The following WNT3A variants were observed in gnomAD, a reference collection of about 807,000 sequenced individuals.
WNT3A encodes the protein Wnt family member 3A.
WNT3A carries 17 observed loss-of-function variants against 37.0 expected under a neutral mutation model. The observed-to-expected ratio is 0.46, with a 90% CI of 0.31 to 0.69. The LOEUF is 0.69. WNT3A is among the 30% of genes least tolerant of loss of function. The probability of loss-of-function intolerance (pLI) is 0.05; values close to 1 mark genes in which losing one functional copy is unlikely to be tolerated. For synonymous variants in WNT3A, 187 were observed against 211.0 expected (o/e 0.89, Z 0.99); for missense variants, 411 against 510.2 (o/e 0.81, Z 1.87).
chr1:228,022,520 C>A, intron 1 of WNT3A, 147 bp from the exon 2 acceptor site: 1 of 1,086,988 alleles, frequency 9.2e-7, no homozygotes, highest in Non-Finnish European at 1.3e-6. Context: ...CTCTTACTTG[C>A]AAAATAAAAA....
At position 228,031,336 on chromosome 1, in the gene WNT3A, C is replaced by A. The variant is rs958374023; in HGVS notation, c.313+8428C>A. On this transcript the variant is annotated intron_variant, in intron 2 of 3. Transcript: ENST00000284523. The surrounding 1 kb of genome is among the most constrained non-coding windows in gnomAD (Gnocchi z 4.8). ...CTCACTTCCTGGAGCATCAGCCTCC[C>A]ATTTATAAAGTGGAAGAATACTTAC... Among the ~76,000 whole-genome samples, 2 of 152,172 alleles carry A rather than the reference C, an allele frequency of 1.3e-5. No homozygotes were observed. Among genetic ancestry groups the A allele is most frequent in the Non-Finnish European group, 2.9e-5 (2 of 68,026 alleles).
intron 3 of WNT3A, among the ~76,000 whole-genome samples, chr1:228,056,893 A>C (rs180820804): frequency 6.6e-6 from 1 of 152,326 alleles, no homozygotes. Context: ...AAGATGTAAA[A>C]ATGATTTTAA....
intron 1 of WNT3A, among the ~76,000 whole-genome samples, chr1:228,009,099 G>A (rs1047998829): frequency 6.6e-6 from 1 of 152,084 alleles, no homozygotes; most frequent in Non-Finnish European, 1.5e-5. Flanking sequence ...TGGGTGGTGA[G>A]GACCCCTCCC....
intron 3 of WNT3A, among the ~76,000 whole-genome samples, chr1:228,056,960 G>A (rs1341364030): frequency 6.6e-6 from 1 of 152,078 alleles, no homozygotes; most frequent in Non-Finnish European, 1.5e-5. Flanking sequence ...AGAAAAGATT[G>A]TTTTTAGACA....
rs1326732548 is a variant in WNT3A at position 228,008,654 on chromosome 1, G to A, written c.71+1455G>A. Among the ~76,000 whole-genome samples the A allele has an allele frequency of 6.6e-6, 1 of 152,170 alleles. No individual in the cohort carries two copies. Among genetic ancestry groups the A allele is most frequent in the Non-Finnish European group, 1.5e-5 (1 of 68,004 alleles). ...ACGCGCGTCCAGACGGCCGCAGGGA[G>A]CCAGGGGCAGCGCGTCCGTCCGAGA... On this transcript the variant is annotated intron_variant, in intron 1 of 3. Coordinates refer to ENST00000284523, the MANE Select transcript of WNT3A (RefSeq NM_033131.4). This position sits in a 1 kb window ranked among gnomAD's most constrained non-coding sequence, Gnocchi z 4.9.
chr1:228,021,343 C>T (rs1434114762), intron 1 of WNT3A, among the ~76,000 whole-genome samples: 1 of 152,190 alleles, frequency 6.6e-6, no homozygotes, highest in African/African-American at 2.4e-5. Flanking sequence ...TTGCCAAAAG[C>T]AGAGCACAGC....
In WNT3A at chr1:228,035,707, G is replaced by A. The variant is rs545578140; in HGVS notation, c.313+12799G>A. On this transcript the variant is annotated intron_variant, in intron 2 of 3. Transcript: ENST00000284523. ...CCAGGTCCTGCCCTAAGGTGCCAGCGTTGGGTTGGGGCGGGGAGCCCCCAT... is the reference window on the plus strand; with the variant it reads ...CCAGGTCCTGCCCTAAGGTGCCAGCATTGGGTTGGGGCGGGGAGCCCCCAT... 7.9e-5 allele frequency among the ~76,000 whole-genome samples: 12 copies of A among 152,304 alleles called. No individual in the cohort carries two copies. The South Asian group carries it at 8.3e-4, about 11-fold the overall frequency.
chr1:228,040,621 TGCCTGTAATCTCAGCAGTTTG>T (rs1348243190), intron 2 of WNT3A, among the ~76,000 whole-genome samples: 7 of 152,112 alleles, frequency 4.6e-5, no homozygotes, highest in Non-Finnish European at 1.0e-4. Flanking sequence ...CAGTGGCTCA[TGCCTGTAATCTCAGCAGTTTG>T]GGAGGCCGAG....
In WNT3A at chr1:228,042,171, G is replaced by T. The variant is rs900905545; in HGVS notation, c.314-8485G>T. Among the ~76,000 whole-genome samples the T allele has an allele frequency of 6.6e-6, 1 of 152,144 alleles. No homozygotes were observed. Among genetic ancestry groups the T allele is most frequent in the Non-Finnish European group, 1.5e-5 (1 of 68,024 alleles). On this transcript the variant is annotated intron_variant, in intron 2 of 3. Transcript: ENST00000284523. The surrounding 1 kb of genome is among the most constrained non-coding windows in gnomAD (Gnocchi z 5.2). ...TTTTTGTATTTTTAGTAGAGACGGG[G>T]TTTCACCATGTTGGCCAGGATGGTC...
In WNT3A at chr1:228,055,175, AAAAAATATATATATATATAT is replaced by A. The variant is rs1299579312; in HGVS notation, c.580-3809_580-3790del. On this transcript the variant is annotated intron_variant, in intron 3 of 3. Coordinates refer to ENST00000284523, the MANE Select transcript of WNT3A (RefSeq NM_033131.4). ...CTCCGTCCCAAAAAAAAAAAAAAAA[AAAAAATATATATATATATAT>A]ATATATATATATATATATATATATA... Among the ~76,000 whole-genome samples the A allele has an allele frequency of 1.9e-3, 113 of 59,220 alleles. 4 individuals are homozygous for A. Among genetic ancestry groups the A allele is most frequent in the South Asian group, 0.011 (15 of 1,378 alleles). 38.9% of individuals were successfully genotyped at this position (59,220 alleles called of 152,430 possible).
chr1:228,023,039 G>C (rs967779331), intron 2 of WNT3A, 131 bp downstream of exon 2: 5 of 1,402,140 alleles, frequency 3.6e-6, no homozygotes, highest in Non-Finnish European at 4.7e-6. Flanking sequence ...GGTCCTTCCC[G>C]CTTACCTCCA....
At chr1:228,012,396 C>T (rs755053204) in intron 1 of WNT3A, among the ~76,000 whole-genome samples, 16 of 152,162 alleles carry the variant, frequency 1.1e-4, no homozygotes, top group Non-Finnish European at 1.9e-4. Context: ...GACATTGTAG[C>T]GGTTTGACGG....
intron 2 of WNT3A, among the ~76,000 whole-genome samples, chr1:228,030,359 G>A (rs2030970317): frequency 6.7e-6 from 1 of 150,030 alleles, no homozygotes; most frequent in Admixed American, 6.6e-5. Flanking sequence ...TCGCTTCACT[G>A]TACTCCAGCC....
At chr1:228,053,345 C>T (rs2031598813) in intron 3 of WNT3A, among the ~76,000 whole-genome samples, 1 of 152,180 alleles carries the variant, frequency 6.6e-6, no homozygotes, top group Non-Finnish European at 1.5e-5. Context: ...AATTACAAAT[C>T]CCAGTGGGAC....
chr1:228,058,970 T>G lies in WNT3A; in HGVS notation c.580-16T>G, dbSNP rs772188399. On this transcript the variant is annotated splice_polypyrimidine_tract_variant and intron_variant, in intron 3 of 3. Transcript: ENST00000284523. Reference sequence around the variant, plus strand: ...AGGGGGCCGCCCTGACGCTGGCTCCTGCGCGTGCCCCGCAGGCCATCGCCA... The same window carrying G: ...AGGGGGCCGCCCTGACGCTGGCTCCGGCGCGTGCCCCGCAGGCCATCGCCA... The G allele has an allele frequency of 6.3e-7, 1 of 1,598,122 alleles. No individual in the cohort carries two copies. Among genetic ancestry groups the G allele is most frequent in the Non-Finnish European group, 8.5e-7 (1 of 1,171,614 alleles).
At chr1:228,023,659 A>T (rs2030786792) in intron 2 of WNT3A, among the ~76,000 whole-genome samples, 1 of 152,180 alleles carries the variant, frequency 6.6e-6, no homozygotes, top group African/African-American at 2.4e-5. Flanking sequence ...ATCTTTTTTT[A>T]AAAAGTTGAG....
intron 2 of WNT3A, among the ~76,000 whole-genome samples, chr1:228,040,777 T>G (rs2031262530): frequency 2.0e-5 from 3 of 151,042 alleles, no homozygotes; most frequent in Admixed American, 1.3e-4. Flanking sequence ...TCCCAGCTAC[T>G]CGGGAGGCTG....
intron 3 of WNT3A, among the ~76,000 whole-genome samples, chr1:228,058,342 G>A (rs1036174125): frequency 8.5e-5 from 13 of 152,146 alleles, no homozygotes; most frequent in African/African-American, 2.7e-4. Context: ...CTGTTCTGAT[G>A]TTCACATGCC....
intron 1 of WNT3A, 84 bp from the exon 2 acceptor site, chr1:228,022,583 G>C: frequency 6.8e-7 from 1 of 1,479,334 alleles, no homozygotes; most frequent in African/African-American, 1.4e-5. Context: ...ATGCACTTGA[G>C]GCCCCAGAGC....
Sources: gnomAD v4.1 joint callset for allele counts (sites outside exome capture counted in the v4.1 genomes callset) on GRCh38, gnomAD v4.1.1 for gene constraint, Gnocchi (gnomAD v3.1) non-coding constraint, MANE v1.5 for transcripts, NCBI Gene and HGNC (gene_info 2026-07-23, HGNC 2026-07-21) for gene names.